CXCL9: variants seen among roughly 807,000 people sequenced by gnomAD.
CXCL9 encodes the protein C-X-C motif chemokine 9.
A neutral mutation model predicts 11.7 loss-of-function variants in CXCL9; 8 were observed. The observed-to-expected ratio is 0.68, with a 90% CI of 0.40 to 1.23. The LOEUF is 1.23. CXCL9 is among the 50% of genes most tolerant of loss of function. CXCL9 has a pLI of 0.01. For missense variants in CXCL9, 133 were observed against 141.7 expected (o/e 0.94, Z 0.31); for synonymous variants, 43 against 48.2 (o/e 0.89, Z 0.45).
intron 2 of CXCL9, 22 bp downstream of exon 2, chr4:76,006,126 T>C (rs1197069680): frequency 2.5e-6 from 4 of 1,609,382 alleles, no homozygotes; most frequent in Admixed American, 3.3e-5. Flanking sequence ...GGTGCATGCA[T>C]GTTAGCTGGG....
rs1377096072 is a variant in CXCL9, at chr4:76,006,135, GGTT to G, written c.191+10_191+12del. The G allele has an allele frequency of 6.2e-7, 1 of 1,611,090 alleles. No individual in the cohort carries two copies. The highest frequency in any genetic ancestry group is 2.2e-5 in the East Asian group (1 of 44,794). On this transcript the variant is annotated intron_variant, in intron 2 of 3. Coordinates refer to ENST00000264888, the MANE Select transcript of CXCL9 (RefSeq NM_002416.3). ...CAATATGGTGCATGCATGTTAGCTG[GGTT>G]GTTACTTACATGATTTCAATTTTCT...
Position 76,003,428 on chromosome 4 carries a change from G to C in CXCL9, c.*170C>G, listed in dbSNP as rs982311410. 1.8e-6 allele frequency: 1 copy of C among 565,374 alleles called. No individual in the cohort carries two copies. Among genetic ancestry groups the C allele is most frequent in the African/African-American group, 1.9e-5 (1 of 52,190 alleles). The allele number at this position is 565,374 out of a possible 1,614,324, so 35.0% of individuals were successfully genotyped here. A position where few individuals can be genotyped will look rare whatever the true frequency, so the allele number is the denominator to read the frequency against. On this transcript the variant is annotated 3_prime_UTR_variant, in exon 4 of 4. Transcript: ENST00000264888. ...AGCCTTTAACAATTCTTAACGTTTG[G>C]ATTCTTAAAATCAACTTTCTAACTT...
At position 76,002,241 on chromosome 4, in the gene CXCL9, T is replaced by C; in HGVS notation, c.*1357A>G. The C allele has an allele frequency of 2.5e-6, 1 of 398,430 alleles. No homozygotes were observed. Among genetic ancestry groups the C allele is most frequent in the Non-Finnish European group, 4.4e-6 (1 of 225,958 alleles). 24.7% of individuals were successfully genotyped at this position (398,430 alleles called of 1,614,324 possible). ...AAAAGGTTGGTCACTGGCTGATCTA[T>C]AAAGTCCTTTTCATTGTAAGATTAT... is the stretch of plus-strand genomic sequence containing the variant. On this transcript the variant is annotated 3_prime_UTR_variant, in exon 4 of 4. Transcript: ENST00000264888.
rs778270553 is a variant in CXCL9 at position 76,004,791 on chromosome 4, A to G, written c.276+18T>C. 32 of 1,582,858 alleles carry G rather than the reference A, an allele frequency of 2.0e-5. No homozygotes were observed. The South Asian group carries it at 3.8e-4, about 19-fold the overall frequency. The stretch of plus-strand genomic sequence containing the variant: ...AATTTCTAAAAGAAAGAAAATTTTG[A>G]TCTTCCTTTTCACCAACCTGTTTCT... On this transcript the variant is annotated intron_variant, in intron 3 of 3. Coordinates refer to ENST00000264888, the MANE Select transcript of CXCL9 (RefSeq NM_002416.3).
Position 76,002,473 on chromosome 4 carries a change from G to T in CXCL9, c.*1125C>A. On this transcript the variant is annotated 3_prime_UTR_variant, in exon 4 of 4. Coordinates refer to ENST00000264888, the MANE Select transcript of CXCL9 (RefSeq NM_002416.3). ...AGGCTAGCCAACATGGAGTAGCCAG[G>T]AAAGAGCCAGCACCTGCTCTGAGAC... The T allele has an allele frequency of 2.5e-6, 1 of 397,632 alleles. No homozygotes were observed. The highest frequency in any genetic ancestry group is 3.6e-5 in the East Asian group (1 of 28,046). The allele number at this position is 397,632 out of a possible 1,614,324, so 24.6% of individuals were successfully genotyped here. A position where few individuals can be genotyped will look rare whatever the true frequency, so the allele number is the denominator to read the frequency against.
At position 76,004,959 on chromosome 4, in the gene CXCL9, T is replaced by C; in HGVS notation, c.192-66A>G. ...TAATTTAAATGCTTCTTCTCAGAAATAATGAAAATCAGTATGAATTGTGCT... is the reference window on the plus strand; with the variant it reads ...TAATTTAAATGCTTCTTCTCAGAAACAATGAAAATCAGTATGAATTGTGCT... On this transcript the variant is annotated intron_variant, in intron 2 of 3. Transcript: ENST00000264888. 2.7e-6 allele frequency: 4 copies of C among 1,478,462 alleles called. No homozygotes were observed. In the Admixed American group the frequency reaches 7.4e-5, roughly 27 times the overall value. 91.6% of individuals were successfully genotyped at this position (1,478,462 alleles called of 1,614,324 possible). A position where few individuals can be genotyped will look rare whatever the true frequency, so the allele number is the denominator to read the frequency against.
rs1323607617 is a variant in CXCL9 at position 76,002,963 on chromosome 4, T to G, written c.*635A>C. 1 of 152,202 alleles carries G rather than the reference T, an allele frequency of 6.6e-6. No homozygotes were observed. The highest frequency in any genetic ancestry group is 1.5e-5 in the Non-Finnish European group (1 of 68,178). The allele number at this position is 152,202 out of a possible 1,614,324, so 9.4% of individuals were successfully genotyped here. On this transcript the variant is annotated 3_prime_UTR_variant, in exon 4 of 4. Coordinates refer to ENST00000264888, the MANE Select transcript of CXCL9 (RefSeq NM_002416.3). ...TGAAGCAAAGGGGAACAAAAAGAAA[T>G]AAAGTGGTCAGCCTGAGCGGGCAAG... is the stretch of plus-strand genomic sequence containing the variant.
In CXCL9 at chr4:76,003,113, A is replaced by T. The variant is rs1456692432; in HGVS notation, c.*485T>A. On this transcript the variant is annotated 3_prime_UTR_variant, in exon 4 of 4. Transcript: ENST00000264888. ...CAGACACATTGTGTGTGAGGCCTGT[A>T]GGCTGATTCAAATACAGAGGTTGAT... 1 of 155,122 alleles carries T rather than the reference A, an allele frequency of 6.4e-6. No individual in the cohort carries two copies. The highest frequency in any genetic ancestry group is 1.9e-4 in the East Asian group (1 of 5,258). 9.6% of individuals were successfully genotyped at this position (155,122 alleles called of 1,614,324 possible).
At chr4:76,003,796 A>C in intron 3 of CXCL9, 97 bp from the exon 4 acceptor site, 1 of 718,618 alleles carries the variant, frequency 1.4e-6, no homozygotes, top group East Asian at 2.5e-5. Flanking sequence ...ATACCCACAT[A>C]GTCTCAAAAC....
chr4:76,001,296 G>GA lies in CXCL9; in HGVS notation c.*2301_*2302insT, dbSNP rs889391411. ...GGCAGTGTTGTCATATTTTCCATAG[G>GA]TTTTTTTTCCTGTTCCCGATCGACC... On this transcript the variant is annotated 3_prime_UTR_variant, in exon 4 of 4. Transcript: ENST00000264888. 4.9e-4 allele frequency: 74 copies of GA among 151,968 alleles called. 1 individual carries two copies. Among genetic ancestry groups the GA allele is most frequent in the African/African-American group, 1.7e-3 (69 of 41,456 alleles). 9.4% of individuals were successfully genotyped at this position (151,968 alleles called of 1,614,324 possible).
rs1055620180 is a variant in CXCL9 at position 76,002,130 on chromosome 4, G to C, written c.*1468C>G. The C allele has an allele frequency of 2.5e-6, 1 of 395,742 alleles. No individual in the cohort carries two copies. Among genetic ancestry groups the C allele is most frequent in the Non-Finnish European group, 4.4e-6 (1 of 224,834 alleles). 24.5% of individuals were successfully genotyped at this position (395,742 alleles called of 1,614,324 possible). On this transcript the variant is annotated 3_prime_UTR_variant, in exon 4 of 4. Transcript: ENST00000264888. ...TAAAATGAGTTTCGATAAGGATCTC[G>C]GTGGCTATCTTGTTAGATCTTAGAA...
At position 76,002,117 on chromosome 4, in the gene CXCL9, C is replaced by T. The variant is rs1280263282; in HGVS notation, c.*1481G>A. ...ACTCATATTTGCCTAAAATGAGTTTCGATAAGGATCTCGGTGGCTATCTTG... is the reference window on the plus strand; with the variant it reads ...ACTCATATTTGCCTAAAATGAGTTTTGATAAGGATCTCGGTGGCTATCTTG... On this transcript the variant is annotated 3_prime_UTR_variant, in exon 4 of 4. Coordinates refer to ENST00000264888, the MANE Select transcript of CXCL9 (RefSeq NM_002416.3). 4 of 394,268 alleles carry T rather than the reference C, an allele frequency of 1.0e-5. No individual in the cohort carries two copies. Among genetic ancestry groups the T allele is most frequent in the African/African-American group, 2.1e-5 (1 of 48,296 alleles). The allele number at this position is 394,268 out of a possible 1,614,324, so 24.4% of individuals were successfully genotyped here. A position where few individuals can be genotyped will look rare whatever the true frequency, so the allele number is the denominator to read the frequency against.
rs1731522997 is a variant in CXCL9, at chr4:76,003,669, T to C, written c.307A>G (p.Lys103Glu). ...VSQKKKQKNG[K>E]KHQKKKVLKV... ...AGAACTTTCTTTTTTTGATGTTTTT[T>C]CCCATTCTTTTGCTTTTTCTTTTGG... Residue 103 changes from lysine to glutamate, a missense_variant, in exon 4 of 4, where the codon AAA becomes GAA. Physicochemically the swap from Lys to Glu is moderately conservative, Grantham distance 56. Transcript: ENST00000264888. 6.2e-7 allele frequency: 1 copy of C among 1,612,002 alleles called. No individual in the cohort carries two copies. The highest frequency in any genetic ancestry group is 8.5e-7 in the Non-Finnish European group (1 of 1,179,040).
Position 76,002,316 on chromosome 4 carries a change from C to G in CXCL9, c.*1282G>C, listed in dbSNP as rs1731482195. The G allele has an allele frequency of 2.5e-5, 10 of 398,308 alleles. No individual in the cohort carries two copies. The highest frequency in any genetic ancestry group is 1.8e-4 in the Admixed American group (4 of 22,702). The allele number at this position is 398,308 out of a possible 1,614,324, so 24.7% of individuals were successfully genotyped here. A position where few individuals can be genotyped will look rare whatever the true frequency, so the allele number is the denominator to read the frequency against. Reference sequence around the variant, plus strand: ...TTTTAAAAACAGTCCAGAATATCCGCAAGTGTTTTACCACGTGCTTCTTAT... The same window carrying G: ...TTTTAAAAACAGTCCAGAATATCCGGAAGTGTTTTACCACGTGCTTCTTAT... On this transcript the variant is annotated 3_prime_UTR_variant, in exon 4 of 4. Coordinates refer to ENST00000264888, the MANE Select transcript of CXCL9 (RefSeq NM_002416.3).
At chr4:76,004,974 T>G in intron 2 of CXCL9, 81 bp from the exon 3 acceptor site, 2 of 1,398,774 alleles carry the variant, frequency 1.4e-6, no homozygotes, top group Non-Finnish European at 1.9e-6. Context: ...AAAATCAGTA[T>G]GAATTGTGCT....
chr4:76,005,098 G>A (rs1037490793), intron 2 of CXCL9: 1 of 719,350 alleles, frequency 1.4e-6, no homozygotes, highest in Non-Finnish European at 1.9e-6. Context: ...CCAGGCTGGA[G>A]TACAGTGGTG....
chr4:76,004,075 A>G (rs1578166650), intron 3 of CXCL9, among the ~76,000 whole-genome samples: 1 of 152,030 alleles, frequency 6.6e-6, no homozygotes, highest in Non-Finnish European at 1.5e-5. Context: ...ATGTGGCAGA[A>G]CCTCCAGTCT....
chr4:76,004,063 G>A (rs1731531723), intron 3 of CXCL9, among the ~76,000 whole-genome samples: 1 of 152,194 alleles, frequency 6.6e-6, no homozygotes, highest in South Asian at 2.1e-4. Context: ...TAGACAGCTA[G>A]TATGTGGCAG....
chr4:76,007,021 T>C (rs564831269), intron 1 of CXCL9, among the ~76,000 whole-genome samples: 3 of 152,308 alleles, frequency 2.0e-5, no homozygotes, highest in African/African-American at 7.2e-5. Flanking sequence ...GTAAATAGAT[T>C]AGGGACAAAT....
Sources: gnomAD v4.1 joint callset for allele counts (sites outside exome capture counted in the v4.1 genomes callset) on GRCh38, gnomAD v4.1.1 for gene constraint, MANE v1.5 for transcripts, NCBI Gene and HGNC (gene_info 2026-07-23, HGNC 2026-07-21) for gene names.